NOTCH1: variants seen among roughly 807,000 people sequenced by gnomAD.
NOTCH1 encodes the protein notch receptor 1.
A neutral mutation model predicts 254.8 loss-of-function variants in NOTCH1; 37 were observed. That is an observed-to-expected ratio of 0.15 (90% CI 0.11 to 0.19). The LOEUF is 0.19. NOTCH1 is among the 10% of genes least tolerant of loss of function. The pLI, the probability that NOTCH1 is intolerant of heterozygous loss-of-function variation, is 1.00. For missense variants in NOTCH1, 2,972 were observed against 3,708.6 expected (o/e 0.80, Z 5.16); for synonymous variants, 1,731 against 1,618.1 (o/e 1.07, Z -1.68).
chr9:136,508,780 G>C, intron 19 of NOTCH1, 90 bp downstream of exon 19: 1 of 1,273,286 alleles, frequency 7.9e-7, no homozygotes. Flanking sequence ...AGCCGACACA[G>C]TGGGACCTGG....
At chr9:136,517,655 G>A in intron 8 of NOTCH1, 97 bp downstream of exon 8, 3 of 1,464,988 alleles carry the variant, frequency 2.0e-6, no homozygotes, top group South Asian at 1.2e-5. Context: ...CATGGAGGCT[G>A]GGGAAAGCGG....
chr9:136,534,063 A>C (rs1209992417), intron 2 of NOTCH1, among the ~76,000 whole-genome samples: 1 of 152,200 alleles, frequency 6.6e-6, no homozygotes, highest in Non-Finnish European at 1.5e-5. Context: ...CACGAGGGCG[A>C]CCGTCGGCTT....
Position 136,496,952 on chromosome 9 carries a change from G to A in NOTCH1, c.6787C>T (p.Arg2263Trp), listed in dbSNP as rs770022692. 4 of 1,611,006 alleles carry A rather than the reference G, an allele frequency of 2.5e-6. No individual in the cohort carries two copies. The highest frequency in any genetic ancestry group is 2.2e-5 in the East Asian group (1 of 44,854). The change falls in exon 34 of 34, where the codon CGG (arginine) becomes TGG (tryptophan). Residue 2263 changes from arginine (R) to tryptophan (W), a missense_variant. Arg to Trp is a moderately radical substitution (Grantham distance 101). Transcript: ENST00000651671. ...GGTGGGCCAGTCTCAAAGGCCAGCC[G>A]GCCGCCCCCACCCAGCGCCGCCATC... ...PEMAALGGGGRLAFETGPPRL... is the reference protein window; with the variant it reads ...PEMAALGGGGWLAFETGPPRL...
In NOTCH1 at chr9:136,505,887, C is replaced by G. The variant is rs1843076919; in HGVS notation, c.4015-6G>C. Reference sequence around the variant, plus strand: ...CACGTGGCGCCCTCGAAGCCCTGCCCGAGAGGGAAGACAGGACGGTGTCGG... The same window carrying G: ...CACGTGGCGCCCTCGAAGCCCTGCCGGAGAGGGAAGACAGGACGGTGTCGG... On this transcript the variant is annotated splice_region_variant and splice_polypyrimidine_tract_variant and intron_variant, in intron 24 of 33. Coordinates refer to ENST00000651671, the MANE Select transcript of NOTCH1 (RefSeq NM_017617.5). 1 of 1,583,882 alleles carries G rather than the reference C, an allele frequency of 6.3e-7. No individual in the cohort carries two copies. Among genetic ancestry groups the G allele is most frequent in the East Asian group, 2.3e-5 (1 of 44,198 alleles).
rs553655874 is a variant in NOTCH1 at position 136,510,400 on chromosome 9, G to A, written c.2740+253C>T. On this transcript the variant is annotated intron_variant, in intron 17 of 33. Transcript: ENST00000651671. ...TGCAGGCCGGGCCCGAGCCATCCTCGGCTCAGTGAAGAGCCGTGGGAGGGG... is the reference window on the plus strand; with the variant it reads ...TGCAGGCCGGGCCCGAGCCATCCTCAGCTCAGTGAAGAGCCGTGGGAGGGG... 98 of 597,454 alleles carry A rather than the reference G, an allele frequency of 1.6e-4. No homozygotes were observed. The Admixed American group carries it at 1.8e-3, about 11-fold the overall frequency. The allele number at this position is 597,454 out of a possible 1,614,324, so 37.0% of individuals were successfully genotyped here. A position where few individuals can be genotyped will look rare whatever the true frequency, so the allele number is the denominator to read the frequency against.
chr9:136,510,613 A>G (rs2133352685), intron 17 of NOTCH1, 40 bp downstream of exon 17: 1 of 1,588,888 alleles, frequency 6.3e-7, no homozygotes, highest in Non-Finnish European at 8.5e-7. Context: ...CTGAGGCCTG[A>G]GAGCTTCCTG....
chr9:136,527,691 G>A (rs1054762663), intron 2 of NOTCH1, among the ~76,000 whole-genome samples: 7 of 152,186 alleles, frequency 4.6e-5, no homozygotes, highest in African/African-American at 9.6e-5. Flanking sequence ...GTGTGCCCCC[G>A]TGGACTCCCC....
At chr9:136,510,422 G>A (rs1333893246) in intron 17 of NOTCH1, 2 of 613,794 alleles carry the variant, frequency 3.3e-6, no homozygotes, top group Non-Finnish European at 5.8e-6. Context: ...AGCCGTGGGA[G>A]GGGCTCTCGT....
rs1842934698 is a variant in NOTCH1, at chr9:136,497,407, C to T, written c.6332G>A (p.Arg2111Lys). 4 of 1,611,154 alleles carry T rather than the reference C, an allele frequency of 2.5e-6. No homozygotes were observed. Among genetic ancestry groups the T allele is most frequent in the Admixed American group, 3.3e-5 (2 of 60,000 alleles). The change falls in exon 34 of 34, where the codon AGG becomes AAG. Residue 2111 changes from arginine to lysine, a missense_variant. By Grantham distance (26) the Arg-to-Lys change is conservative. Around this residue, in one of 8 missense-constraint regions of NOTCH1, gnomAD observed 529 missense variants for 529.2 expected, o/e 1.00. Coordinates refer to ENST00000651671, the MANE Select transcript of NOTCH1 (RefSeq NM_017617.5). ...CACCAGGTTGTACTCGTCCAGCAGCCTCACGATGTCGTGATGCATGCGCTC... is the reference window on the plus strand; with the variant it reads ...CACCAGGTTGTACTCGTCCAGCAGCTTCACGATGTCGTGATGCATGCGCTC... The part of the protein sequence containing the change: ...AQERMHHDIV[R>K]LLDEYNLVRS...
intron 8 of NOTCH1, 25 bp downstream of exon 8, chr9:136,517,727 C>T (rs749540400): frequency 1.4e-5 from 23 of 1,612,230 alleles, no homozygotes; most frequent in Non-Finnish European, 1.9e-5. Context: ...GACTCGGTTT[C>T]CCGCCCTGGC....
rs773932034 is a variant in NOTCH1 at position 136,515,685 on chromosome 9, G to C, written c.1701C>G (p.Ile567Met). 1.6e-5 allele frequency: 25 copies of C among 1,554,754 alleles called. No individual in the cohort carries two copies. The highest frequency in any genetic ancestry group is 2.2e-5 in the Non-Finnish European group (25 of 1,155,636). Residue 567 changes from isoleucine to methionine, a missense_variant, in exon 11 of 34, where the codon ATC becomes ATG. Coordinates refer to ENST00000651671, the MANE Select transcript of NOTCH1 (RefSeq NM_017617.5). Reference sequence around the variant, plus strand: ...GGCAGGGGTCGGGGTCGCACTCATCGATGTCCACCTCGCAGTGCGTCCCCG... The same window carrying C: ...GGCAGGGGTCGGGGTCGCACTCATCCATGTCCACCTCGCAGTGCGTCCCCG... Reference protein sequence around the residue: ...GYTGTHCEVDIDECDPDPCHY... With the variant: ...GYTGTHCEVDMDECDPDPCHY...
rs547217550 is a variant in NOTCH1 at position 136,530,775 on chromosome 9, G to A, written c.141-6796C>T. The stretch of plus-strand genomic sequence containing the variant: ...GGAGAGGCCAAGATGGTCATGACAC[G>A]CCGGGGCTCTGCTCCCAAGAAGACC... On this transcript the variant is annotated intron_variant, in intron 2 of 33. Transcript: ENST00000651671. 3.3e-5 allele frequency among the ~76,000 whole-genome samples: 5 copies of A among 152,342 alleles called. No homozygotes were observed. In the East Asian group the frequency reaches 9.7e-4, roughly 29 times the overall value.
At position 136,506,853 on chromosome 9, in the gene NOTCH1, C is replaced by A. The variant is rs2133343772; in HGVS notation, c.3764G>T (p.Cys1255Phe). The change falls in exon 23 of 34, where the codon TGC becomes TTC. Residue 1255 changes from cysteine to phenylalanine, a missense_variant. Cys to Phe is a radical substitution (Grantham distance 205). This residue lies in a region of NOTCH1 where 1,343 missense variants were observed against 1,557.0 expected (regional missense o/e 0.86). Transcript: ENST00000651671. The surrounding 1 kb of genome is among the most constrained non-coding windows in gnomAD (Gnocchi z 4.5). ...VDQVGGYSCT[C>F]PPGFVGERCE... ...GCGCTCACCCACGAAGCCCGGCGGG[C>A]AGGTGCAGCTGTAGCCGCCCACCTG... The A allele has an allele frequency of 6.2e-7, 1 of 1,611,996 alleles. No individual in the cohort carries two copies. Among genetic ancestry groups the A allele is most frequent in the Non-Finnish European group, 8.5e-7 (1 of 1,179,564 alleles).
rs2133342924 is a variant in NOTCH1, at chr9:136,506,654, A to G, written c.3902-15T>C. 1 of 1,601,320 alleles carries G rather than the reference A, an allele frequency of 6.2e-7. No homozygotes were observed. Among genetic ancestry groups the G allele is most frequent in the Non-Finnish European group, 8.5e-7 (1 of 1,174,762 alleles). On this transcript the variant is annotated splice_polypyrimidine_tract_variant and intron_variant, in intron 23 of 33. Coordinates refer to ENST00000651671, the MANE Select transcript of NOTCH1 (RefSeq NM_017617.5). The surrounding 1 kb of genome is among the most constrained non-coding windows in gnomAD (Gnocchi z 4.5). ...GCAGCGGCGCCCTAGGGGTAAGAGC[A>G]GGGCAGTGAGAGGCTCACCCTGCTG...
At chr9:136,505,928 G>A (rs916305109) in intron 24 of NOTCH1, 47 bp from the exon 25 acceptor site, 37 of 1,450,404 alleles carry the variant, frequency 2.6e-5, no homozygotes, top group Middle Eastern at 2.4e-4. Context: ...GCCACCCCCC[G>A]CCCCCCCGCC....
chr9:136,522,656 C>T (rs2133376980), intron 4 of NOTCH1, 194 bp downstream of exon 4: 1 of 597,130 alleles, frequency 1.7e-6, no homozygotes, highest in African/African-American at 1.9e-5. Context: ...GTGCAAGCCT[C>T]CTCCCAGCGC....
In NOTCH1 at chr9:136,508,234, T is replaced by C. The variant is rs2133347001; in HGVS notation, c.3323A>G (p.Gln1108Arg). Residue 1108 changes from glutamine to arginine, a missense_variant and splice_region_variant, in exon 20 of 34, where the codon CAA (glutamine) becomes CGA (arginine). Physicochemically the swap from Gln to Arg is conservative, Grantham distance 43. Transcript: ENST00000651671. ...GCTGGGTGGGCACAGCAGGTTACCTTGTCGCTGCGCAGCCACCTCACAGGA... is the reference window on the plus strand; with the variant it reads ...GCTGGGTGGGCACAGCAGGTTACCTCGTCGCTGCGCAGCCACCTCACAGGA... ...SVSCEVAAQR[Q>R]GVDVARLCQH... 3 of 1,611,330 alleles carry C rather than the reference T, an allele frequency of 1.9e-6. No homozygotes were observed. The highest frequency in any genetic ancestry group is 1.7e-6 in the Non-Finnish European group (2 of 1,179,262).
chr9:136,514,805 G>A, intron 12 of NOTCH1, 103 bp from the exon 13 acceptor site: 1 of 1,172,160 alleles, frequency 8.5e-7, no homozygotes, highest in Non-Finnish European at 1.2e-6. Flanking sequence ...TCACCCTTCT[G>A]GCCACATCCT....
At chr9:136,528,174 A>G (rs1186179372) in intron 2 of NOTCH1, among the ~76,000 whole-genome samples, 1 of 149,358 alleles carries the variant, frequency 6.7e-6, no homozygotes, top group East Asian at 2.0e-4. Flanking sequence ...CCTGCCCTCA[A>G]GGAGTTTATG....
Sources: gnomAD v4.1 joint callset for allele counts (sites outside exome capture counted in the v4.1 genomes callset) on GRCh38, gnomAD v4.1.1 for gene constraint, gnomAD v4.1.1 regional missense constraint, Gnocchi (gnomAD v3.1) non-coding constraint, MANE v1.5 for transcripts, NCBI Gene and HGNC (gene_info 2026-07-23, HGNC 2026-07-21) for gene names.